The following PTPRZ1 variants were observed in gnomAD, a reference collection of about 807,000 sequenced individuals.
The protein encoded by PTPRZ1 is receptor-type tyrosine-protein phosphatase zeta.
In PTPRZ1, 82 loss-of-function variants were observed where a neutral mutation model predicts 214.1. The observed-to-expected ratio is 0.38, with a 90% CI of 0.32 to 0.46. PTPRZ1 has a LOEUF of 0.46. Ranked by LOEUF, PTPRZ1 falls within the 20% of genes least tolerant of loss-of-function variation. The pLI is 1.00. For synonymous variants in PTPRZ1, 945 were observed against 987.9 expected, an observed-to-expected ratio of 0.96 and a Z score of 0.81; for missense variants, 2,603 against 2,748.7, an observed-to-expected ratio of 0.95 and a Z score of 1.19.
chr7:122,056,614 T>C (rs929497581), intron 27 of PTPRZ1, among the ~76,000 whole-genome samples: 7 of 151,836 alleles, frequency 4.6e-5, no homozygotes, highest in Admixed American at 4.6e-4. Context: ...ATGAGGACTA[T>C]TTTTAAGAAT....
chr7:122,038,357 G>A (rs1332255884), intron 18 of PTPRZ1, among the ~76,000 whole-genome samples: 3 of 152,138 alleles, frequency 2.0e-5, no homozygotes, highest in Non-Finnish European at 2.9e-5. Context: ...TTAAGCTGTT[G>A]TAGACATCTG....
At chr7:121,920,829 G>A (rs970718758) in intron 1 of PTPRZ1, among the ~76,000 whole-genome samples, 6 of 152,074 alleles carry the variant, frequency 3.9e-5, no homozygotes, top group African/African-American at 1.4e-4. Flanking sequence ...AGTAGAGAAT[G>A]CTTTAAGTGA....
chr7:121,997,121 G>A (rs1349397653), intron 9 of PTPRZ1, among the ~76,000 whole-genome samples: 1 of 152,146 alleles, frequency 6.6e-6, no homozygotes, highest in African/African-American at 2.4e-5. Context: ...TCCCTTTGTG[G>A]CCTGAGCATG....
intron 12 of PTPRZ1, among the ~76,000 whole-genome samples, chr7:122,015,988 C>T (rs1425664222): frequency 6.6e-6 from 1 of 152,018 alleles, no homozygotes; most frequent in Non-Finnish European, 1.5e-5. Flanking sequence ...TTATCAAATG[C>T]ATGCAGACTA....
At chr7:122,019,412 C>T in intron 13 of PTPRZ1, 144 bp downstream of exon 13, 3 of 803,094 alleles carry the variant, frequency 3.7e-6, no homozygotes, top group Non-Finnish European at 5.9e-6. Context: ...TTTGTGAATC[C>T]AAAGGCACAA....
chr7:121,876,254 A>G (rs1021610249), intron 1 of PTPRZ1, among the ~76,000 whole-genome samples: 4 of 152,230 alleles, frequency 2.6e-5, no homozygotes, highest in African/African-American at 9.6e-5. Flanking sequence ...GAAAAACTAC[A>G]GTGGCTTTCC....
intron 5 of PTPRZ1, among the ~76,000 whole-genome samples, chr7:121,976,491 A>G (rs1211010745): frequency 2.0e-5 from 3 of 152,172 alleles, no homozygotes; most frequent in Non-Finnish European, 4.4e-5. Context: ...AAAGTGTTCT[A>G]TTAAGTACAC....
intron 1 of PTPRZ1, among the ~76,000 whole-genome samples, chr7:121,882,617 A>G (rs999945655): frequency 6.6e-6 from 1 of 152,166 alleles, no homozygotes; most frequent in Admixed American, 6.6e-5. Context: ...TCATTGTACA[A>G]TGGGAAATTA....
At chr7:121,886,546 C>T (rs1284882716) in intron 1 of PTPRZ1, among the ~76,000 whole-genome samples, 1 of 151,766 alleles carries the variant, frequency 6.6e-6, no homozygotes, top group African/African-American at 2.4e-5. Flanking sequence ...AAATCTTCAC[C>T]AGCCTACTTT....
intron 6 of PTPRZ1, among the ~76,000 whole-genome samples, chr7:121,982,539 T>G (rs1439378928): frequency 6.6e-6 from 1 of 152,212 alleles, no homozygotes; most frequent in African/African-American, 2.4e-5. Flanking sequence ...TTTTAATATT[T>G]ATTTAATTCT....
intron 8 of PTPRZ1, among the ~76,000 whole-genome samples, chr7:121,990,512 CTTTTTT>C (rs758696565): frequency 8.2e-5 from 6 of 73,472 alleles, no homozygotes; most frequent in Admixed American, 1.5e-4. Context: ...TGAAAACTGT[CTTTTTT>C]TTTTTTTTTT....
chr7:121,875,936 G>C (rs1055659173), intron 1 of PTPRZ1, among the ~76,000 whole-genome samples: 1 of 152,146 alleles, frequency 6.6e-6, no homozygotes, highest in African/African-American at 2.4e-5. Flanking sequence ...TAAGTGCTCA[G>C]TAAGGGTCTG....
At chr7:122,040,307 T>C (rs1401492253) in intron 20 of PTPRZ1, among the ~76,000 whole-genome samples, 1 of 152,242 alleles carries the variant, frequency 6.6e-6, no homozygotes. Flanking sequence ...TTTACATTTT[T>C]AAGAATTGAC....
chr7:121,907,543 T>G (rs1420954233), intron 1 of PTPRZ1, among the ~76,000 whole-genome samples: 1 of 152,006 alleles, frequency 6.6e-6, no homozygotes, highest in Non-Finnish European at 1.5e-5. Flanking sequence ...AATTTTCATA[T>G]GGTTTCATTT....
At chr7:121,939,293 C>T (rs76954080) in intron 2 of PTPRZ1, among the ~76,000 whole-genome samples, 53 of 152,266 alleles carry the variant, frequency 3.5e-4, no homozygotes, top group African/African-American at 1.3e-3. Flanking sequence ...TTTTATAGTG[C>T]TTTGCCACCT....
intron 1 of PTPRZ1, among the ~76,000 whole-genome samples, chr7:121,918,605 A>C (rs932391712): frequency 6.6e-6 from 1 of 152,154 alleles, no homozygotes; most frequent in Non-Finnish European, 1.5e-5. Context: ...ACATATTTAC[A>C]ATCTATCTTT....
intron 14 of PTPRZ1, among the ~76,000 whole-genome samples, chr7:122,030,442 T>C (rs1384111976): frequency 6.6e-6 from 1 of 152,054 alleles, no homozygotes; most frequent in African/African-American, 2.4e-5. Flanking sequence ...CATTTCTGTT[T>C]TCTTATCTAA....
At chr7:122,031,215 A>G (rs1203127710) in intron 14 of PTPRZ1, among the ~76,000 whole-genome samples, 1 of 152,070 alleles carries the variant, frequency 6.6e-6, no homozygotes, top group Non-Finnish European at 1.5e-5. Context: ...GTATTTATAA[A>G]TTAACATTGA....
chr7:121,917,472 A>T (rs1795459392), intron 1 of PTPRZ1, among the ~76,000 whole-genome samples: 1 of 152,206 alleles, frequency 6.6e-6, no homozygotes, highest in Non-Finnish European at 1.5e-5. Context: ...TGACCAAAAA[A>T]ACATGCAGGG....
Sources: allele counts gnomAD v4.1 joint callset (sites outside exome capture counted in the v4.1 genomes callset), GRCh38; gene constraint gnomAD v4.1.1; transcripts MANE v1.5; gene names NCBI Gene and HGNC (gene_info 2026-07-23, HGNC 2026-07-21).